The following FAM114A1 variants were observed in gnomAD, a reference collection of about 807,000 sequenced individuals.
FAM114A1 encodes protein NOXP20.
Under a neutral mutation model 64.3 loss-of-function variants are expected in FAM114A1, and 62 were observed. The observed-to-expected ratio is 0.96, with a 90% CI of 0.79 to 1.19. The LOEUF (loss-of-function observed/expected upper bound fraction) is 1.19, where lower values mean the gene tolerates loss of function less well. FAM114A1 is among the 50% of genes most tolerant of loss of function. FAM114A1 has a pLI of 0.00. For synonymous variants in FAM114A1, 254 were observed against 251.1 expected, an observed-to-expected ratio of 1.01 and a Z score of -0.11; for missense variants, 645 against 676.3, an observed-to-expected ratio of 0.95 and a Z score of 0.51.
At chr4:38,886,954 G>T (rs574540007) in intron 3 of FAM114A1, among the ~76,000 whole-genome samples, 26 of 151,098 alleles carry the variant, frequency 1.7e-4, no homozygotes, top group African/African-American at 6.3e-4. Flanking sequence ...AAGGAATGTA[G>T]CCTGTACAGG....
chr4:38,881,563 T>C (rs965930933), intron 3 of FAM114A1, among the ~76,000 whole-genome samples: 3 of 152,074 alleles, frequency 2.0e-5, no homozygotes, highest in African/African-American at 2.4e-5. Context: ...GGAAAGCCGA[T>C]AGGTTGGCTG....
chr4:38,932,285 T>C lies in FAM114A1; in HGVS notation c.1374T>C (p.Cys458=). 6.2e-7 allele frequency: 1 copy of C among 1,613,942 alleles called. No homozygotes were observed. The highest frequency in any genetic ancestry group is 8.5e-7 in the Non-Finnish European group (1 of 1,179,982). The change falls in exon 12 of 15, where the codon TGT becomes TGC. Residue 458 remains cysteine, a synonymous_variant. Coordinates refer to ENST00000358869, the MANE Select transcript of FAM114A1 (RefSeq NM_138389.4). ...GTCTGGCGGAGGTAACAGCGCGCTG[T>C]ATTGAGCAGCTTCATAAAGTAGCAG... The part of the protein sequence containing the change: ...IESLAEVTAR[C]IEQLHKVAEL...
At chr4:38,893,201 T>C (rs1560298134) in intron 4 of FAM114A1, among the ~76,000 whole-genome samples, 1 of 152,266 alleles carries the variant, frequency 6.6e-6, no homozygotes, top group Non-Finnish European at 1.5e-5. Context: ...TTGAACTTAG[T>C]GGCTATCAAA....
chr4:38,913,040 A>G (rs949124323), intron 7 of FAM114A1, among the ~76,000 whole-genome samples: 8 of 152,338 alleles, frequency 5.3e-5, no homozygotes, highest in Admixed American at 2.6e-4. Flanking sequence ...GAGAACCCAG[A>G]AGGAAATAAG....
At chr4:38,882,626 T>A (rs1424584233) in intron 3 of FAM114A1, among the ~76,000 whole-genome samples, 1 of 151,498 alleles carries the variant, frequency 6.6e-6, no homozygotes. Context: ...TGAAACTCCA[T>A]CTCAAAAAAA....
At chr4:38,895,293 C>G (rs1360903938) in intron 4 of FAM114A1, among the ~76,000 whole-genome samples, 2 of 152,230 alleles carry the variant, frequency 1.3e-5, no homozygotes, top group Admixed American at 6.5e-5. Flanking sequence ...TGATTATTGA[C>G]CAGGGCTCAC....
chr4:38,942,326 G>A (rs1159440232), intron 14 of FAM114A1, among the ~76,000 whole-genome samples: 1 of 152,108 alleles, frequency 6.6e-6, no homozygotes, highest in Non-Finnish European at 1.5e-5. Context: ...TGATGGCACT[G>A]AATATTATTG....
At chr4:38,943,400 T>C (rs1013282249) in intron 14 of FAM114A1, 56 bp from the exon 15 acceptor site, 9 of 1,413,064 alleles carry the variant, frequency 6.4e-6, no homozygotes, top group South Asian at 2.3e-5. Context: ...ATTGGAAGTA[T>C]TGTCAAGGTT....
chr4:38,903,220 G>T (rs1029050966), intron 4 of FAM114A1, among the ~76,000 whole-genome samples: 1 of 152,160 alleles, frequency 6.6e-6, no homozygotes, highest in Non-Finnish European at 1.5e-5. Context: ...GTAACAAAGT[G>T]ATTTTTCTAG....
chr4:38,874,497 C>T (rs966282832), intron 2 of FAM114A1, among the ~76,000 whole-genome samples: 2 of 151,912 alleles, frequency 1.3e-5, no homozygotes, highest in Non-Finnish European at 2.9e-5. Context: ...TGTCATTTGC[C>T]CATTTTTTAA....
intron 7 of FAM114A1, among the ~76,000 whole-genome samples, chr4:38,911,861 CTTT>C (rs375816760): frequency 3.7e-5 from 2 of 54,038 alleles, no homozygotes; most frequent in African/African-American, 5.8e-5. Flanking sequence ...TTTCTTTTTT[CTTT>C]TTTTTTTTTT....
At chr4:38,912,704 C>T (rs933775576) in intron 7 of FAM114A1, among the ~76,000 whole-genome samples, 3 of 152,126 alleles carry the variant, frequency 2.0e-5, no homozygotes, top group Non-Finnish European at 4.4e-5. Flanking sequence ...TTGAGTGAGT[C>T]CACATCTTTC....
chr4:38,873,962 A>G (rs572446247), intron 2 of FAM114A1, among the ~76,000 whole-genome samples: 8 of 152,188 alleles, frequency 5.3e-5, no homozygotes, highest in East Asian at 3.9e-4. Context: ...GAACAGGGGA[A>G]CCCAATACTG....
intron 7 of FAM114A1, among the ~76,000 whole-genome samples, chr4:38,914,463 G>A (rs1218384863): frequency 6.6e-6 from 1 of 152,144 alleles, no homozygotes; most frequent in Non-Finnish European, 1.5e-5. Context: ...CTCCTCAGGA[G>A]GCTGAGGCAG....
intron 13 of FAM114A1, among the ~76,000 whole-genome samples, chr4:38,939,458 A>G (rs1185658884): frequency 3.9e-5 from 6 of 152,192 alleles, no homozygotes; most frequent in Non-Finnish European, 8.8e-5. Flanking sequence ...CTGAAAACCA[A>G]TGTCATCTTA....
intron 2 of FAM114A1, among the ~76,000 whole-genome samples, chr4:38,876,969 T>C (rs575409195): frequency 6.6e-6 from 1 of 152,332 alleles, no homozygotes; most frequent in Admixed American, 6.5e-5. Flanking sequence ...TGTGATTACA[T>C]TTAAGGCCAA....
At chr4:38,934,283 C>T (rs1413614751) in intron 12 of FAM114A1, among the ~76,000 whole-genome samples, 1 of 152,162 alleles carries the variant, frequency 6.6e-6, no homozygotes, top group Non-Finnish European at 1.5e-5. Flanking sequence ...TGCACCCAGT[C>T]CCTGATTTGC....
chr4:38,904,762 G>A (rs1387697977), intron 4 of FAM114A1, among the ~76,000 whole-genome samples: 1 of 152,122 alleles, frequency 6.6e-6, no homozygotes. Flanking sequence ...AATGTGCTAA[G>A]CCTGCAAGGA....
chr4:38,935,330 A>G (rs1579411991), intron 12 of FAM114A1, among the ~76,000 whole-genome samples: 1 of 152,256 alleles, frequency 6.6e-6, no homozygotes, highest in East Asian at 1.9e-4. Context: ...TGCTTAACAT[A>G]GTGCCTCAGT....
Sources: gnomAD v4.1 joint callset for allele counts (sites outside exome capture counted in the v4.1 genomes callset) on GRCh38, gnomAD v4.1.1 for gene constraint, MANE v1.5 for transcripts, NCBI Gene and HGNC (gene_info 2026-07-23, HGNC 2026-07-21) for gene names.